CNTNAP2: variants seen among roughly 807,000 people sequenced by gnomAD.
The protein encoded by CNTNAP2 is contactin-associated protein-like 2.
In CNTNAP2, 98 loss-of-function variants were observed where a neutral mutation model predicts 155.2. The observed-to-expected ratio is 0.63, with a 90% CI of 0.54 to 0.75. CNTNAP2 has a LOEUF of 0.75. CNTNAP2 is among the 30% of genes least tolerant of loss of function. The probability of loss-of-function intolerance (pLI) is 0.00; values close to 1 mark genes in which losing one functional copy is unlikely to be tolerated. For missense variants in CNTNAP2, 1,727 were observed against 1,688.1 expected (o/e 1.02, Z -0.40); for synonymous variants, 651 against 631.2 (o/e 1.03, Z -0.47).
chr7:147,752,735 C>G (rs897009870), intron 13 of CNTNAP2, among the ~76,000 whole-genome samples: 8 of 152,112 alleles, frequency 5.3e-5, no homozygotes, highest in Admixed American at 3.3e-4. Flanking sequence ...ATGAGCCATG[C>G]CTTTATAAAT....
At chr7:146,387,298 A>G (rs1045237567) in intron 1 of CNTNAP2, among the ~76,000 whole-genome samples, 5 of 152,178 alleles carry the variant, frequency 3.3e-5, no homozygotes, top group African/African-American at 7.2e-5. Flanking sequence ...ACCCAAAACC[A>G]CCAGAGAGAA....
chr7:146,933,984 C>G (rs1447487529), intron 3 of CNTNAP2, among the ~76,000 whole-genome samples: 1 of 152,136 alleles, frequency 6.6e-6, no homozygotes, highest in Non-Finnish European at 1.5e-5. Context: ...CACTTTTACA[C>G]TGTGGGTGGG....
intron 13 of CNTNAP2, among the ~76,000 whole-genome samples, chr7:147,821,433 C>T (rs1194196854): frequency 6.6e-6 from 1 of 152,136 alleles, no homozygotes; most frequent in Admixed American, 6.6e-5. Context: ...ACATGTTCCT[C>T]ATCCCCATGG....
chr7:146,795,746 A>G (rs1330295544), intron 2 of CNTNAP2, among the ~76,000 whole-genome samples: 1 of 152,222 alleles, frequency 6.6e-6, no homozygotes, highest in African/African-American at 2.4e-5. Context: ...ATTATTTGAT[A>G]AAATTGACAT....
intron 15 of CNTNAP2, among the ~76,000 whole-genome samples, chr7:147,980,990 T>G (rs976143571): frequency 2.0e-5 from 3 of 146,722 alleles, no homozygotes; most frequent in Admixed American, 6.8e-5. Flanking sequence ...AGTGATAGAG[T>G]GTTCCGTATC....
At chr7:147,633,209 G>A (rs546510929) in intron 12 of CNTNAP2, among the ~76,000 whole-genome samples, 1 of 152,222 alleles carries the variant, frequency 6.6e-6, no homozygotes, top group Non-Finnish European at 1.5e-5. Context: ...TTGCTTCAGA[G>A]GATGCAAGCC....
At chr7:146,487,472 C>G (rs1797074230) in intron 1 of CNTNAP2, among the ~76,000 whole-genome samples, 1 of 152,190 alleles carries the variant, frequency 6.6e-6, no homozygotes. Context: ...ATGCTTATCT[C>G]TTCCTAGACT....
chr7:146,705,179 C>T (rs1800941943), intron 1 of CNTNAP2, among the ~76,000 whole-genome samples: 1 of 152,100 alleles, frequency 6.6e-6, no homozygotes. Context: ...TTGACCAGTG[C>T]CTCAGTATAT....
intron 17 of CNTNAP2, among the ~76,000 whole-genome samples, chr7:148,158,682 C>T (rs1805453506): frequency 6.6e-6 from 1 of 152,198 alleles, no homozygotes; most frequent in African/African-American, 2.4e-5. Flanking sequence ...AAAGGTTCAC[C>T]TTCTCATGTG....
At chr7:148,077,901 T>A (rs1321335049) in intron 15 of CNTNAP2, among the ~76,000 whole-genome samples, 1 of 152,214 alleles carries the variant, frequency 6.6e-6, no homozygotes, top group Non-Finnish European at 1.5e-5. Context: ...CTTGTTTTTC[T>A]TACCAGTTTT....
At chr7:146,898,013 T>C (rs1343850016) in intron 3 of CNTNAP2, among the ~76,000 whole-genome samples, 1 of 152,028 alleles carries the variant, frequency 6.6e-6, no homozygotes, top group Non-Finnish European at 1.5e-5. Context: ...TTCACTAGCA[T>C]TCCAGAAATG....
intron 3 of CNTNAP2, among the ~76,000 whole-genome samples, chr7:146,963,545 T>C (rs1269625693): frequency 6.6e-6 from 1 of 152,202 alleles, no homozygotes; most frequent in Non-Finnish European, 1.5e-5. Context: ...TATATTCCCT[T>C]GTAACCTGCT....
chr7:148,182,158 G>A (rs1005563654), intron 18 of CNTNAP2, among the ~76,000 whole-genome samples: 5 of 152,002 alleles, frequency 3.3e-5, no homozygotes, highest in African/African-American at 9.7e-5. Context: ...TTTATTTCCT[G>A]TTCTTCAGCA....
chr7:147,351,891 A>C (rs1484260035), intron 9 of CNTNAP2, among the ~76,000 whole-genome samples: 1 of 151,970 alleles, frequency 6.6e-6, no homozygotes, highest in Non-Finnish European at 1.5e-5. Flanking sequence ...GTGATTAGGT[A>C]ATATGAACAT....
At chr7:147,279,356 A>G (rs1804975450) in intron 8 of CNTNAP2, among the ~76,000 whole-genome samples, 1 of 151,858 alleles carries the variant, frequency 6.6e-6, no homozygotes, top group East Asian at 1.9e-4. Flanking sequence ...CTTGCTGAGA[A>G]AGACGTTTGA....
At chr7:146,885,478 C>T (rs1031260785) in intron 3 of CNTNAP2, among the ~76,000 whole-genome samples, 6 of 152,072 alleles carry the variant, frequency 3.9e-5, no homozygotes, top group African/African-American at 1.4e-4. Flanking sequence ...TCTTATATAG[C>T]TGATGTAAAA....
At chr7:147,517,767 A>G (rs1217135026) in intron 11 of CNTNAP2, among the ~76,000 whole-genome samples, 1 of 152,220 alleles carries the variant, frequency 6.6e-6, no homozygotes, top group African/African-American at 2.4e-5. Flanking sequence ...TCAAGTCCTT[A>G]AAAGGGACTT....
intron 11 of CNTNAP2, among the ~76,000 whole-genome samples, chr7:147,514,005 A>T (rs573027083): frequency 6.6e-6 from 1 of 152,234 alleles, no homozygotes; most frequent in South Asian, 2.1e-4. Context: ...GCACTTTGAC[A>T]CTCAGATCTC....
intron 13 of CNTNAP2, among the ~76,000 whole-genome samples, chr7:147,705,937 TTA>T (rs1487061260): frequency 3.3e-5 from 5 of 152,244 alleles, no homozygotes; most frequent in Non-Finnish European, 1.5e-5. Flanking sequence ...GTCTGTGTCT[TTA>T]TAGGTGAGAT....
Sources: allele counts gnomAD v4.1 joint callset (sites outside exome capture counted in the v4.1 genomes callset), GRCh38; gene constraint gnomAD v4.1.1; transcripts MANE v1.5; gene names NCBI Gene and HGNC (gene_info 2026-07-23, HGNC 2026-07-21).